CST8: variants seen among roughly 807,000 people sequenced by gnomAD.
CST8 encodes the protein cystatin-8.
In CST8, 20 loss-of-function variants were observed where a neutral mutation model predicts 11.8. The observed-to-expected ratio is 1.70, with a 90% CI of 1.20 to 2.47. The LOEUF is 2.47. CST8 is among the 30% of genes most tolerant of loss of function. CST8 has a pLI of 0.00. For synonymous variants in CST8, 77 were observed against 63.1 expected, an observed-to-expected ratio of 1.22 and a Z score of -1.05; for missense variants, 196 against 167.2, an observed-to-expected ratio of 1.17 and a Z score of -0.95.
intron 2 of CST8, among the ~76,000 whole-genome samples, chr20:23,492,203 G>T (rs754582124): frequency 2.0e-5 from 3 of 152,324 alleles, no homozygotes; most frequent in Middle Eastern, 3.4e-3. Flanking sequence ...CATGAGAAAA[G>T]ATCTGATAAA....
In CST8 at chr20:23,491,713, C is replaced by T. The variant is rs1327170424; in HGVS notation, c.46C>T (p.Leu16=). 1 of 1,614,056 alleles carries T rather than the reference C, an allele frequency of 6.2e-7. No individual in the cohort carries two copies. The highest frequency in any genetic ancestry group is 8.5e-7 in the Non-Finnish European group (1 of 1,179,946). Residue 16 remains leucine (L), a synonymous_variant, in exon 2 of 4, where the codon CTG becomes TTG. Transcript: ENST00000246012. ...WLSLILLTIP[L]ALVARKDPKK... is the part of the protein sequence containing the mutation. ...CTCCCTGATCCTCCTCACCATTCCC[C>T]TGGCCCTGGTGGCCAGGAAAGACCC...
At chr20:23,506,364 A>C in the CST8 span, among the ~76,000 whole-genome samples, 4 of 152,300 alleles carry the variant, frequency 2.6e-5, no homozygotes, top group Non-Finnish European at 5.9e-5. Flanking sequence ...GTGTGTGGAC[A>C]GTGACCGAGG....
At position 23,493,042 on chromosome 20, in the gene CST8, G is replaced by T; in HGVS notation, c.316G>T (p.Ala106Ser). ...GCCTTTAAGCACTAATGAAATCTGC[G>T]CCATTCAAGAAAACTCCAAGCTGAA... ...RKPLSTNEIC[A>S]IQENSKLKRK... The change falls in exon 3 of 4, where the codon GCC becomes TCC. Residue 106 changes from alanine (A) to serine (S), a missense_variant. Coordinates refer to ENST00000246012, the MANE Select transcript of CST8 (RefSeq NM_005492.4). 1 of 1,611,898 alleles carries T rather than the reference G, an allele frequency of 6.2e-7. No individual in the cohort carries two copies. Among genetic ancestry groups the T allele is most frequent in the Non-Finnish European group, 8.5e-7 (1 of 1,178,136 alleles).
At chr20:23,492,897 T>G (rs1436446642) in intron 2 of CST8, 61 bp from the exon 3 acceptor site, 2 of 988,316 alleles carry the variant, frequency 2.0e-6, no homozygotes, top group East Asian at 2.4e-5. Flanking sequence ...TTTTTTTTTT[T>G]GTCAAAACTT....
At chr20:23,502,286 T>C in the CST8 span, among the ~76,000 whole-genome samples, 1 of 152,242 alleles carries the variant, frequency 6.6e-6, no homozygotes, top group Non-Finnish European at 1.5e-5. Context: ...ATCATTGCTT[T>C]AATTTTGTTT....
chr20:23,493,345 C>T (rs1987948983), intron 3 of CST8, among the ~76,000 whole-genome samples: 1 of 152,186 alleles, frequency 6.6e-6, no homozygotes. Flanking sequence ...TTGATGCAGG[C>T]ACACTGGACA....
chr20:23,496,058 G>C (rs1988039512), downstream of CST8: 1 of 643,676 alleles, frequency 1.6e-6, no homozygotes. Context: ...CATATATGTG[G>C]GGACAGAAGA....
At chr20:23,503,489 A>G in the CST8 span, among the ~76,000 whole-genome samples, 1 of 152,226 alleles carries the variant, frequency 6.6e-6, no homozygotes, top group African/African-American at 2.4e-5. Flanking sequence ...GTAAAGAATT[A>G]TGTCTCAACA....
At chr20:23,494,968 C>T (rs1987999367) in intron 3 of CST8, among the ~76,000 whole-genome samples, 1 of 152,096 alleles carries the variant, frequency 6.6e-6, no homozygotes, top group South Asian at 2.1e-4. Context: ...TCTCCCCCGC[C>T]CTCCATTCTC....
Position 23,493,005 on chromosome 20 carries a change from C to A in CST8, c.279C>A (p.Ser93Arg), listed in dbSNP as rs138711661. 2.0e-4 allele frequency: 328 copies of A among 1,613,060 alleles called. No homozygotes were observed. Among genetic ancestry groups the A allele is most frequent in the African/African-American group, 1.6e-3 (117 of 74,944 alleles). Residue 93 changes from serine to arginine, a missense_variant, in exon 3 of 4, where the codon AGC becomes AGA. Coordinates refer to ENST00000246012, the MANE Select transcript of CST8 (RefSeq NM_005492.4). ...EYLIDVEIAR[S>R]DCRKPLSTNE... is the part of the protein sequence containing the mutation. ...TTATTGATGTAGAAATTGCCCGCAG[C>A]GATTGCAGAAAGCCTTTAAGCACTA...
At chr20:23,492,481 G>T (rs1568654767) in intron 2 of CST8, among the ~76,000 whole-genome samples, 1 of 152,214 alleles carries the variant, frequency 6.6e-6, no homozygotes, top group Non-Finnish European at 1.5e-5. Context: ...GAGGGGCTTT[G>T]GGTGGGGAAA....
rs1987880460 is a variant in CST8, at chr20:23,491,574, C to G, written c.-94C>G. 3.2e-6 allele frequency: 3 copies of G among 943,070 alleles called. No homozygotes were observed. The Admixed American group carries it at 5.7e-5, about 18-fold the overall frequency. The allele number at this position is 943,070 out of a possible 1,614,324, so 58.4% of individuals were successfully genotyped here. ...GTGTGTGGCTCGAAGATTCTTGAAC[C>G]CACAGCAGCAGCTGCGGCCACCCCA... On this transcript the variant is annotated 5_prime_UTR_variant, in exon 2 of 4. Transcript: ENST00000246012.
intron 3 of CST8, among the ~76,000 whole-genome samples, chr20:23,494,966 G>T (rs562674193): frequency 1.3e-5 from 2 of 151,774 alleles, no homozygotes; most frequent in East Asian, 1.9e-4. Context: ...TCTCTCCCCC[G>T]CCCTCCATTC....
chr20:23,491,886 A>G lies in CST8; in HGVS notation c.219A>G (p.Gln73=). The change falls in exon 2 of 4, where the codon CAA becomes CAG. Residue 73 remains glutamine, a synonymous_variant. Transcript: ENST00000246012. ...TCTTCCTGGTGGTCAAGACACTGCAAGCCCAGCTTCAGGTAAAGGTGTCTT... is the reference window on the plus strand; with the variant it reads ...TCTTCCTGGTGGTCAAGACACTGCAGGCCCAGCTTCAGGTAAAGGTGTCTT... ...KYVFLVVKTL[Q]AQLQVTNLLE... is the part of the protein sequence containing the mutation. 3 of 1,613,830 alleles carry G rather than the reference A, an allele frequency of 1.9e-6. No homozygotes were observed. The highest frequency in any genetic ancestry group is 2.5e-6 in the Non-Finnish European group (3 of 1,179,692).
the CST8 span, among the ~76,000 whole-genome samples, chr20:23,504,060 A>G: frequency 0.097 from 14,826 of 152,198 alleles, 2,262 homozygotes; most frequent in African/African-American, 0.32. Context: ...AAGGTGAGGA[A>G]AAAAAGAAAC....
chr20:23,495,950 A>G lies in CST8; in HGVS notation c.*36A>G, dbSNP rs760346876. 1.3e-6 allele frequency: 2 copies of G among 1,495,068 alleles called. No homozygotes were observed. Among genetic ancestry groups the G allele is most frequent in the East Asian group, 4.6e-5 (2 of 43,846 alleles). The allele number at this position is 1,495,068 out of a possible 1,614,324, so 92.6% of individuals were successfully genotyped here. A position where few individuals can be genotyped will look rare whatever the true frequency, so the allele number is the denominator to read the frequency against. On this transcript the variant is annotated 3_prime_UTR_variant, in exon 4 of 4. Coordinates refer to ENST00000246012, the MANE Select transcript of CST8 (RefSeq NM_005492.4). Reference sequence around the variant, plus strand: ...AGGCATCCCTCCAACCTCTGTGACTACTTTATCCATGAAAATGAAGCAATG... The same window carrying G: ...AGGCATCCCTCCAACCTCTGTGACTGCTTTATCCATGAAAATGAAGCAATG...
the CST8 span, among the ~76,000 whole-genome samples, chr20:23,503,499 A>G: frequency 6.6e-6 from 1 of 152,232 alleles, no homozygotes; most frequent in Admixed American, 6.5e-5. Flanking sequence ...ATGTCTCAAC[A>G]AAACATACTC....
rs546133278 is a variant in CST8 at position 23,491,233 on chromosome 20, G to A, written c.-253G>A. On this transcript the variant is annotated 5_prime_UTR_variant, in exon 1 of 4. Coordinates refer to ENST00000246012, the MANE Select transcript of CST8 (RefSeq NM_005492.4). The stretch of plus-strand genomic sequence containing the variant: ...TAAGAAGGAGCTGCAGGCACAGCAG[G>A]CTGAAAGTCCACCAAGGGCTGAGGC... 5.7e-6 allele frequency: 1 copy of A among 175,580 alleles called. No homozygotes were observed. The highest frequency in any genetic ancestry group is 1.2e-5 in the Non-Finnish European group (1 of 82,542). The allele number at this position is 175,580 out of a possible 1,614,324, so 10.9% of individuals were successfully genotyped here. A position where few individuals can be genotyped will look rare whatever the true frequency, so the allele number is the denominator to read the frequency against.
chr20:23,497,266 G>A (rs557278747), downstream of CST8, among the ~76,000 whole-genome samples: 29 of 152,344 alleles, frequency 1.9e-4, no homozygotes, highest in South Asian at 6.0e-3. Context: ...TTCTGCCATG[G>A]CTTCAGCCGG....
Sources: allele counts gnomAD v4.1 joint callset (sites outside exome capture counted in the v4.1 genomes callset), GRCh38; gene constraint gnomAD v4.1.1; transcripts MANE v1.5; gene names NCBI Gene and HGNC (gene_info 2026-07-23, HGNC 2026-07-21).